Variants in TP53INP1 observed in about 807,000 individuals in gnomAD.
TP53INP1 encodes the protein tumor protein p53 inducible nuclear protein 1.
Under a neutral mutation model 21.0 loss-of-function variants are expected in TP53INP1, and 12 were observed. That is an observed-to-expected ratio of 0.57 (90% CI 0.37 to 0.93). TP53INP1 has a LOEUF of 0.93. Among genes scored for constraint, TP53INP1 ranks in the 40% least tolerant of loss-of-function variants. TP53INP1 has a pLI of 0.01. For synonymous variants in TP53INP1, 91 were observed against 94.8 expected (o/e 0.96, Z 0.23); for missense variants, 274 against 294.7 (o/e 0.93, Z 0.51).
At chr8:94,947,917 C>T (rs1164964663) in intron 1 of TP53INP1, among the ~76,000 whole-genome samples, 1 of 152,188 alleles carries the variant, frequency 6.6e-6, no homozygotes, top group East Asian at 1.9e-4. Flanking sequence ...TAAAAGCTTC[C>T]CAGTGCTTTT....
intron 1 of TP53INP1, among the ~76,000 whole-genome samples, chr8:94,941,474 GACC>G (rs1821526143): frequency 6.6e-6 from 1 of 152,170 alleles, no homozygotes; most frequent in South Asian, 2.1e-4. Context: ...AGTGCCTGGT[GACC>G]ACCATTATGC....
intron 3 of TP53INP1, among the ~76,000 whole-genome samples, chr8:94,933,390 A>G (rs1820622237): frequency 6.7e-6 from 1 of 150,034 alleles, no homozygotes; most frequent in African/African-American, 2.5e-5. Flanking sequence ...AAAAAGAAGG[A>G]AGGAAGAAGA....
At chr8:94,935,355 A>G (rs1246911001) in intron 3 of TP53INP1, among the ~76,000 whole-genome samples, 1 of 152,194 alleles carries the variant, frequency 6.6e-6, no homozygotes, top group Non-Finnish European at 1.5e-5. Context: ...GAACAGTGTG[A>G]CTTTCAGCTA....
At chr8:94,939,798 C>T in intron 3 of TP53INP1, 62 bp downstream of exon 3, 2 of 1,561,542 alleles carry the variant, frequency 1.3e-6, no homozygotes, top group South Asian at 1.2e-5. Context: ...CTTTGAATTA[C>T]AGTAGAGACA....
chr8:94,941,935 T>TA lies in TP53INP1; in HGVS notation c.-150-845_-150-844insT, dbSNP rs374772885. On this transcript the variant is annotated intron_variant, in intron 1 of 3. Transcript: ENST00000342697. ...AACACATACCAAAGATAGGTTTTTT[T>TA]CCCCCACAAACTTATTCATATACAC... Among the ~76,000 whole-genome samples, 1,276 of 151,880 alleles carry TA rather than the reference T, an allele frequency of 8.4e-3. 26 individuals are homozygous for TA. Among genetic ancestry groups the TA allele is most frequent in the African/African-American group, 0.028 (1,154 of 41,346 alleles).
chr8:94,943,322 C>CA lies in TP53INP1; in HGVS notation c.-150-2232dup, dbSNP rs934975954. ...TAGGCAACAAAATAACCTGTTTCTA[C>CA]AAAAAAATTTTAAAAAATTAGCCAG... is the stretch of plus-strand genomic sequence containing the variant. On this transcript the variant is annotated intron_variant, in intron 1 of 3. Coordinates refer to ENST00000342697, the MANE Select transcript of TP53INP1 (RefSeq NM_033285.4). Among the ~76,000 whole-genome samples, 123 of 152,132 alleles carry CA rather than the reference C, an allele frequency of 8.1e-4. 2 individuals are homozygous for CA. Among genetic ancestry groups the CA allele is most frequent in the Non-Finnish European group, 1.6e-3 (107 of 67,986 alleles).
chr8:94,944,957 A>G (rs1821860557), intron 1 of TP53INP1, among the ~76,000 whole-genome samples: 1 of 152,218 alleles, frequency 6.6e-6, no homozygotes, highest in African/African-American at 2.4e-5. Context: ...AAAGGCAAGG[A>G]GCTATTGGAG....
Position 94,930,309 on chromosome 8 carries a change from G to T in TP53INP1, c.*170C>A. On this transcript the variant is annotated 3_prime_UTR_variant, in exon 4 of 4. Transcript: ENST00000342697. Reference sequence around the variant, plus strand: ...AAATGTTAAAGGCAAGGCATTATGTGATACACAGCATATAAATCTGATTTT... The same window carrying T: ...AAATGTTAAAGGCAAGGCATTATGTTATACACAGCATATAAATCTGATTTT... 1 of 879,420 alleles carries T rather than the reference G, an allele frequency of 1.1e-6. No homozygotes were observed. Among genetic ancestry groups the T allele is most frequent in the Non-Finnish European group, 1.7e-6 (1 of 581,146 alleles). The allele number at this position is 879,420 out of a possible 1,614,324, so 54.5% of individuals were successfully genotyped here. A position where few individuals can be genotyped will look rare whatever the true frequency, so the allele number is the denominator to read the frequency against.
At position 94,927,120 on chromosome 8, in the gene TP53INP1, C is replaced by CTTA. The variant is rs1819964106; in HGVS notation, c.*3356_*3358dup. 1 of 152,600 alleles carries CTTA rather than the reference C, an allele frequency of 6.6e-6. No individual in the cohort carries two copies. Among genetic ancestry groups the CTTA allele is most frequent in the Non-Finnish European group, 1.5e-5 (1 of 68,036 alleles). 9.5% of individuals were successfully genotyped at this position (152,600 alleles called of 1,614,324 possible). A position where few individuals can be genotyped will look rare whatever the true frequency, so the allele number is the denominator to read the frequency against. ...AAATGAAAACTAATATGTGGAAACT[C>CTTA]TTAAAGTTTTCCCACTAATCTATTT... On this transcript the variant is annotated 3_prime_UTR_variant, in exon 4 of 4. Coordinates refer to ENST00000342697, the MANE Select transcript of TP53INP1 (RefSeq NM_033285.4).
In TP53INP1 at chr8:94,939,942, C is replaced by A; in HGVS notation, c.391G>T (p.Val131Phe). 6.2e-7 allele frequency: 1 copy of A among 1,614,126 alleles called. No individual in the cohort carries two copies. Among genetic ancestry groups the A allele is most frequent in the South Asian group, 1.1e-5 (1 of 91,078 alleles). ...NLLIEHPSMS[V>F]YAVHNSCPGL... ...GGGCAGGAGTTATGCACAGCATAGA[C>A]AGACATGCTGGGATGTTCAATGAGA... Residue 131 changes from valine (V) to phenylalanine (F), a missense_variant, in exon 3 of 4, where the codon GTC (valine) becomes TTC (phenylalanine). Physicochemically the swap from Val to Phe is conservative, Grantham distance 50. Coordinates refer to ENST00000342697, the MANE Select transcript of TP53INP1 (RefSeq NM_033285.4).
chr8:94,932,408 A>T (rs2253173), intron 3 of TP53INP1, among the ~76,000 whole-genome samples: 115,268 of 152,162 alleles, frequency 0.76, 45,782 homozygotes, highest in East Asian at 0.89. Context: ...TGAAAGACAT[A>T]TGATTCATTT....
intron 3 of TP53INP1, among the ~76,000 whole-genome samples, chr8:94,932,808 TA>T (rs749341346): frequency 7.1e-5 from 10 of 140,740 alleles, no homozygotes; most frequent in South Asian, 2.2e-4. Context: ...GTCTCAAAAA[TA>T]AAAAAAAAAG....
intron 1 of TP53INP1, among the ~76,000 whole-genome samples, chr8:94,942,315 C>T (rs549316163): frequency 5.9e-5 from 9 of 152,204 alleles, no homozygotes; most frequent in African/African-American, 2.2e-4. Flanking sequence ...GCTAGGATTA[C>T]AGGCGTGAGC....
chr8:94,943,099 G>A (rs1324223319), intron 1 of TP53INP1, among the ~76,000 whole-genome samples: 1 of 152,208 alleles, frequency 6.6e-6, no homozygotes, highest in African/African-American at 2.4e-5. Flanking sequence ...ATGTCCAGCA[G>A]GCAGCAGGAT....
chr8:94,947,301 C>G (rs1187104557), intron 1 of TP53INP1, among the ~76,000 whole-genome samples: 1 of 150,042 alleles, frequency 6.7e-6, no homozygotes, highest in Non-Finnish European at 1.5e-5. Flanking sequence ...AAAAAAAAAA[C>G]CCGCAAGTTT....
chr8:94,933,762 C>CA lies in TP53INP1; in HGVS notation c.474-3035dup, dbSNP rs200405745. ...CCTGGGTGACAGAGCAAGACTCTCT[C>CA]AAAAAAAACCCCCAAAAAAACCAAC... On this transcript the variant is annotated intron_variant, in intron 3 of 3. Coordinates refer to ENST00000342697, the MANE Select transcript of TP53INP1 (RefSeq NM_033285.4). 8.4e-3 allele frequency among the ~76,000 whole-genome samples: 994 copies of CA among 118,348 alleles called. 15 individuals are homozygous for CA. The highest frequency in any genetic ancestry group is 0.026 in the African/African-American group (855 of 33,242). 77.6% of individuals were successfully genotyped at this position (118,348 alleles called of 152,430 possible).
At position 94,939,918 on chromosome 8, in the gene TP53INP1, G is replaced by A; in HGVS notation, c.415C>T (p.Pro139Ser). Residue 139 changes from proline (P) to serine (S), a missense_variant, in exon 3 of 4, where the codon CCT becomes TCT. Coordinates refer to ENST00000342697, the MANE Select transcript of TP53INP1 (RefSeq NM_033285.4). ...MSVYAVHNSC[P>S]GLSEATRGTD... The stretch of plus-strand genomic sequence containing the variant: ...CCACGGGTGGCCTCACTGAGACCAG[G>A]GCAGGAGTTATGCACAGCATAGACA... The A allele has an allele frequency of 6.2e-7, 1 of 1,614,128 alleles. No homozygotes were observed. The highest frequency in any genetic ancestry group is 1.7e-4 in the Middle Eastern group (1 of 6,054).
In TP53INP1 at chr8:94,933,382, AAAGAAGGAAGG is replaced by A. The variant is rs150093880; in HGVS notation, c.474-2665_474-2655del. On this transcript the variant is annotated intron_variant, in intron 3 of 3. Coordinates refer to ENST00000342697, the MANE Select transcript of TP53INP1 (RefSeq NM_033285.4). ...ACTAGAAAACCATAACAACCTTGAA[AAAGAAGGAAGG>A]AAGAAGAAGGAAGAAAGAAGAAGAA... Among the ~76,000 whole-genome samples, 1,058 of 152,332 alleles carry A rather than the reference AAAGAAGGAAGG, an allele frequency of 6.9e-3. 4 individuals carry two copies. The highest frequency in any genetic ancestry group is 0.024 in the African/African-American group (1,007 of 41,554).
At chr8:94,947,921 T>C (rs1378044236) in intron 1 of TP53INP1, among the ~76,000 whole-genome samples, 2 of 152,250 alleles carry the variant, frequency 1.3e-5, no homozygotes, top group Admixed American at 1.3e-4. Context: ...AGCTTCCCAG[T>C]GCTTTTCACA....
Sources: gnomAD v4.1 joint callset for allele counts (sites outside exome capture counted in the v4.1 genomes callset) on GRCh38, gnomAD v4.1.1 for gene constraint, MANE v1.5 for transcripts, NCBI Gene and HGNC (gene_info 2026-07-23, HGNC 2026-07-21) for gene names.